Variants in TGFBR3 observed in about 807,000 individuals in gnomAD.
TGFBR3 encodes transforming growth factor beta receptor 3.
A neutral mutation model predicts 87.9 loss-of-function variants in TGFBR3; 46 were observed. That is an observed-to-expected ratio of 0.52 (90% CI 0.41 to 0.67). The LOEUF is 0.67. Among genes scored for constraint, TGFBR3 ranks in the 30% least tolerant of loss-of-function variants. The probability of loss-of-function intolerance (pLI) is 0.00; values close to 1 mark genes in which losing one functional copy is unlikely to be tolerated. For missense variants in TGFBR3, 866 were observed against 1,041.9 expected, an observed-to-expected ratio of 0.83 and a Z score of 2.32; for synonymous variants, 381 against 391.6, an observed-to-expected ratio of 0.97 and a Z score of 0.32.
chr1:91,903,338 C>CAAAAAAAAAAAA (rs58672104), intron 1 of TGFBR3, among the ~76,000 whole-genome samples: 8 of 50,504 alleles, frequency 1.6e-4, no homozygotes, highest in African/African-American at 3.5e-4. Flanking sequence ...GATTCTGCCT[C>CAAAAAAAAAAAA]AAAAAAAAAA....
rs1482740971 is a variant in TGFBR3, at chr1:91,681,581, T to C, written c.*2158A>G. Reference sequence around the variant, plus strand: ...CTTTTAATATCTCCTAATAGCTAATTTTCTTTTTAACACGATGGAAAAGAT... The same window carrying C: ...CTTTTAATATCTCCTAATAGCTAATCTTCTTTTTAACACGATGGAAAAGAT... On this transcript the variant is annotated 3_prime_UTR_variant, in exon 17 of 17. Transcript: ENST00000212355. 2.5e-6 allele frequency: 1 copy of C among 398,412 alleles called. No homozygotes were observed. The highest frequency in any genetic ancestry group is 4.8e-6 in the Non-Finnish European group (1 of 208,474). The allele number at this position is 398,412 out of a possible 1,614,324, so 24.7% of individuals were successfully genotyped here. A position where few individuals can be genotyped will look rare whatever the true frequency, so the allele number is the denominator to read the frequency against.
At chr1:91,757,639 C>T in intron 4 of TGFBR3, among the ~76,000 whole-genome samples, 1 of 152,134 alleles carries the variant, frequency 6.6e-6, no homozygotes, top group Admixed American at 6.5e-5. Flanking sequence ...ATGAGCTTTT[C>T]CTTTTCTCCC....
At chr1:91,727,970 A>T (rs957305043) in intron 6 of TGFBR3, 164 bp from the exon 7 acceptor site, 2 of 725,650 alleles carry the variant, frequency 2.8e-6, no homozygotes, top group Non-Finnish European at 4.7e-6. Flanking sequence ...TACTGCACAC[A>T]TAACAAAATT....
chr1:91,790,795 A>G lies in TGFBR3; in HGVS notation c.246+6492T>C, dbSNP rs566944973. Among the ~76,000 whole-genome samples the G allele has an allele frequency of 2.6e-5, 4 of 152,284 alleles. No individual in the cohort carries two copies. The East Asian group carries it at 7.7e-4, about 29-fold the overall frequency. On this transcript the variant is annotated intron_variant, in intron 3 of 16. Transcript: ENST00000212355. ...AGGGTAAAAAATGCCCCAGATAGAG[A>G]AAAGAATGTAGCTAGTTTAATGTTT... is the stretch of plus-strand genomic sequence containing the variant.
chr1:91,749,286 C>T (rs1207457168), intron 4 of TGFBR3, among the ~76,000 whole-genome samples: 1 of 152,090 alleles, frequency 6.6e-6, no homozygotes, highest in African/African-American at 2.4e-5. Flanking sequence ...CTAGAGGTGG[C>T]AGACGGAAGA....
rs375920442 is a variant in TGFBR3, at chr1:91,729,282, G to A, written c.737+523C>T. On this transcript the variant is annotated intron_variant, in intron 6 of 16. Transcript: ENST00000212355. ...GCCACTCCACCACACACGTGCATGC[G>A]CATACACACACACACACACACACAC... Among the ~76,000 whole-genome samples the A allele has an allele frequency of 1.5e-3, 65 of 43,698 alleles. 1 individual carries two copies. The highest frequency in any genetic ancestry group is 4.6e-3 in the African/African-American group (58 of 12,614). The allele number at this position is 43,698 out of a possible 152,430, so 28.7% of individuals were successfully genotyped here.
At chr1:91,890,802 G>A (rs1394317578), upstream of TGFBR3, among the ~76,000 whole-genome samples, 1 of 152,176 alleles carries the variant, frequency 6.6e-6, no homozygotes, top group Non-Finnish European at 1.5e-5. Flanking sequence ...AAGTGGCAGA[G>A]TCAGGTGGCC....
At chr1:91,685,515 G>A (rs1397257614) in intron 16 of TGFBR3, among the ~76,000 whole-genome samples, 2 of 151,938 alleles carry the variant, frequency 1.3e-5, no homozygotes, top group African/African-American at 2.4e-5. Flanking sequence ...GTAGAGACAC[G>A]ATTTCACTGT....
intron 3 of TGFBR3, among the ~76,000 whole-genome samples, chr1:91,782,739 T>A (rs1674819803): frequency 3.0e-5 from 1 of 32,984 alleles, no homozygotes; most frequent in South Asian, 1.7e-3. Flanking sequence ...GTACGACAGC[T>A]CACTTTCGAC....
chr1:91,748,529 C>T (rs1413481646), intron 4 of TGFBR3, among the ~76,000 whole-genome samples: 2 of 152,240 alleles, frequency 1.3e-5, no homozygotes, highest in East Asian at 3.9e-4. Flanking sequence ...AAACACTTTG[C>T]TGAAACAAGA....
chr1:91,872,335 T>C (rs981617387), intron 1 of TGFBR3, among the ~76,000 whole-genome samples: 3 of 152,212 alleles, frequency 2.0e-5, no homozygotes, highest in Admixed American at 2.0e-4. Flanking sequence ...GATGGGGTCC[T>C]GCCAATCCTG....
chr1:91,787,712 C>T (rs930333653), intron 3 of TGFBR3, among the ~76,000 whole-genome samples: 11 of 152,168 alleles, frequency 7.2e-5, no homozygotes, highest in East Asian at 5.8e-4. Context: ...CACTGGCTCA[C>T]GCCTGTAAGC....
intron 2 of TGFBR3, among the ~76,000 whole-genome samples, chr1:91,804,412 T>C (rs1472547552): frequency 2.0e-5 from 3 of 152,190 alleles, no homozygotes; most frequent in African/African-American, 7.2e-5. Flanking sequence ...TCCTGCCACT[T>C]CTGGGTCAGG....
At chr1:91,843,176 C>A (rs773797912) in intron 2 of TGFBR3, among the ~76,000 whole-genome samples, 25 of 152,302 alleles carry the variant, frequency 1.6e-4, no homozygotes, top group Non-Finnish European at 3.4e-4. Context: ...GTGTACCCCC[C>A]TAAAATTTGT....
At position 91,725,237 on chromosome 1, in the gene TGFBR3, G is replaced by A. The variant is rs566593069; in HGVS notation, c.885+2422C>T. ...CACATTCTGCCCATGCCCCACCCCC[G>A]ACACACACATGCATAAGACATCCAT... On this transcript the variant is annotated intron_variant, in intron 7 of 16. Transcript: ENST00000212355. Among the ~76,000 whole-genome samples, 14 of 151,988 alleles carry A rather than the reference G, an allele frequency of 9.2e-5. No homozygotes were observed. In the East Asian group the frequency reaches 1.9e-3, roughly 21 times the overall value.
At position 91,874,664 on chromosome 1, in the gene TGFBR3, A is replaced by AT. The variant is rs565477244; in HGVS notation, c.-114+11213dup. Among the ~76,000 whole-genome samples, 150 of 149,388 alleles carry AT rather than the reference A, an allele frequency of 1.0e-3. 2 individuals are homozygous for AT. Among genetic ancestry groups the AT allele is most frequent in the Admixed American group, 7.5e-3 (112 of 14,960 alleles). ...AGGCGCCCACCACCATGCCAGGCTA[A>AT]TTTTTTTTTTAGTAGAGACGGGGTT... On this transcript the variant is annotated intron_variant, in intron 1 of 16. Transcript: ENST00000212355.
At chr1:91,817,890 A>C (rs1676292918) in intron 2 of TGFBR3, among the ~76,000 whole-genome samples, 1 of 151,848 alleles carries the variant, frequency 6.6e-6, no homozygotes, top group Non-Finnish European at 1.5e-5. Flanking sequence ...GAAAAAAAAA[A>C]AAAAAGTCAA....
At chr1:91,865,364 A>C (rs2101213717) in intron 1 of TGFBR3, among the ~76,000 whole-genome samples, 1 of 152,154 alleles carries the variant, frequency 6.6e-6, no homozygotes, top group Admixed American at 6.5e-5. Flanking sequence ...TGGTTTCAGC[A>C]AACCAACATG....
At chr1:91,686,607 T>TAAGAAA (rs111718357) in intron 16 of TGFBR3, among the ~76,000 whole-genome samples, 122,813 of 151,498 alleles carry the variant, frequency 0.81, 49,933 homozygotes, top group Admixed American at 0.86. Context: ...TTTGACAGAT[T>TAAGAAA]AAGTTTTTTC....
Sources: allele counts gnomAD v4.1 joint callset (sites outside exome capture counted in the v4.1 genomes callset), GRCh38; gene constraint gnomAD v4.1.1; transcripts MANE v1.5; gene names NCBI Gene and HGNC (gene_info 2026-07-23, HGNC 2026-07-21).